RAPGEF6: variants seen among roughly 807,000 people sequenced by gnomAD.
The protein encoded by RAPGEF6 is PDZ domain containing guanine nucleotide exchange factor (GEF) 2.
RAPGEF6 carries 56 observed loss-of-function variants against 171.4 expected under a neutral mutation model. The observed-to-expected ratio is 0.33, with a 90% CI of 0.26 to 0.41. RAPGEF6 has a LOEUF of 0.41. RAPGEF6 is among the 10% of genes least tolerant of loss of function. The probability of loss-of-function intolerance (pLI) is 1.00; values close to 1 mark genes in which losing one functional copy is unlikely to be tolerated. For missense variants in RAPGEF6, 1,674 were observed against 1,921.4 expected (o/e 0.87, Z 2.41); for synonymous variants, 692 against 650.1 (o/e 1.06, Z -0.98).
At chr5:131,474,256 G>C (rs6872385) in intron 16 of RAPGEF6, among the ~76,000 whole-genome samples, 12,182 of 152,212 alleles carry the variant, frequency 0.08, 1,014 homozygotes, top group African/African-American at 0.22. Context: ...CCTGAGTCAG[G>C]AGTTTAAGAC....
At chr5:131,595,815 G>A (rs1763861957) in intron 3 of RAPGEF6, among the ~76,000 whole-genome samples, 1 of 147,802 alleles carries the variant, frequency 6.8e-6, no homozygotes, top group Non-Finnish European at 1.5e-5. Flanking sequence ...AATGTATGCT[G>A]CGTATAACAG....
chr5:131,433,496 G>T lies in RAPGEF6; in HGVS notation c.3908C>A (p.Ser1303Tyr). 6.2e-7 allele frequency: 1 copy of T among 1,613,954 alleles called. No homozygotes were observed. The highest frequency in any genetic ancestry group is 8.5e-7 in the Non-Finnish European group (1 of 1,179,890). The change falls in exon 25 of 28, where the codon TCC becomes TAC. Residue 1303 changes from serine (S) to tyrosine (Y), a missense_variant. Ser to Tyr is a moderately radical substitution (Grantham distance 144). Around this residue, in one of 3 missense-constraint regions of RAPGEF6, gnomAD observed 552 missense variants for 574.2 expected, o/e 0.96. Transcript: ENST00000509018. ...CSSQALAVPE[S>Y]TGALEKTEHA... ...CTCTGTCTTTTCCAATGCCCCAGTG[G>T]ATTCAGGGACTGCCAGGGCCTGAGA...
At chr5:131,458,325 C>A (rs1356681690) in intron 19 of RAPGEF6, among the ~76,000 whole-genome samples, 1 of 152,170 alleles carries the variant, frequency 6.6e-6, no homozygotes, top group Admixed American at 6.5e-5. Context: ...CACTTCCCCC[C>A]TCACTCTCTC....
In RAPGEF6 at chr5:131,510,328, G is replaced by A; in HGVS notation, c.791C>T (p.Thr264Ile). The A allele has an allele frequency of 6.2e-7, 1 of 1,613,060 alleles. No homozygotes were observed. The highest frequency in any genetic ancestry group is 8.5e-7 in the Non-Finnish European group (1 of 1,179,732). Residue 264 changes from threonine (T) to isoleucine (I), a missense_variant, in exon 8 of 28, where the codon ACT becomes ATT. Transcript: ENST00000509018. ...ECLEKEPADK[T>I]DDDIEQLLEF... ...ATATTTCTTACCAATGTCATCATCAGTTTTGTCTGCAGGTTCTTTTTCAAG... is the reference window on the plus strand; with the variant it reads ...ATATTTCTTACCAATGTCATCATCAATTTTGTCTGCAGGTTCTTTTTCAAG...
At chr5:131,497,887 A>C (rs1756736098) in intron 12 of RAPGEF6, among the ~76,000 whole-genome samples, 1 of 152,250 alleles carries the variant, frequency 6.6e-6, no homozygotes, top group Non-Finnish European at 1.5e-5. Context: ...CCCATGAAAT[A>C]AGCTAATTTA....
At chr5:131,587,755 A>C (rs1763341150) in intron 4 of RAPGEF6, among the ~76,000 whole-genome samples, 1 of 152,192 alleles carries the variant, frequency 6.6e-6, no homozygotes, top group Non-Finnish European at 1.5e-5. Flanking sequence ...AGTCATAGAA[A>C]GTAGAACTCC....
chr5:131,434,342 A>C (rs1018892864), intron 24 of RAPGEF6, among the ~76,000 whole-genome samples: 2 of 152,236 alleles, frequency 1.3e-5, no homozygotes, highest in Admixed American at 1.3e-4. Flanking sequence ...TCCTGGGCTC[A>C]AGTGGTCCTC....
At chr5:131,463,193 C>T (rs1754059147) in intron 18 of RAPGEF6, among the ~76,000 whole-genome samples, 1 of 152,166 alleles carries the variant, frequency 6.6e-6, no homozygotes, top group Non-Finnish European at 1.5e-5. Flanking sequence ...ACAGAGTTAA[C>T]TCATTCTCAT....
At chr5:131,514,297 G>C (rs1171365382) in intron 7 of RAPGEF6, among the ~76,000 whole-genome samples, 2 of 152,034 alleles carry the variant, frequency 1.3e-5, no homozygotes, top group Non-Finnish European at 2.9e-5. Context: ...TTAAACAAAG[G>C]AAAGTCAGGT....
intron 1 of RAPGEF6, among the ~76,000 whole-genome samples, chr5:131,616,317 ATTTAGTTG>A (rs1049079999): frequency 7.9e-5 from 12 of 152,196 alleles, no homozygotes; most frequent in African/African-American, 2.9e-4. Context: ...TGGATTTTCA[ATTTAGTTG>A]TTAAATGAAA....
chr5:131,431,464 C>T (rs1281721184), intron 25 of RAPGEF6, 115 bp from the exon 26 acceptor site: 1 of 1,115,086 alleles, frequency 9.0e-7, no homozygotes, highest in African/African-American at 1.6e-5. Context: ...AGTGTTCATG[C>T]CAAATAACAT....
intron 4 of RAPGEF6, among the ~76,000 whole-genome samples, chr5:131,564,751 T>C (rs1031105955): frequency 2.0e-5 from 3 of 152,256 alleles, no homozygotes; most frequent in Admixed American, 1.3e-4. Context: ...GCTATTGCTA[T>C]GTGTGTTTTG....
intron 6 of RAPGEF6, among the ~76,000 whole-genome samples, chr5:131,530,412 T>C (rs1198600956): frequency 6.6e-6 from 1 of 152,172 alleles, no homozygotes; most frequent in Admixed American, 6.5e-5. Flanking sequence ...ATACGACTAT[T>C]TATTTTAGCA....
At position 131,492,664 on chromosome 5, in the gene RAPGEF6, C is replaced by G; in HGVS notation, c.1649G>C (p.Ser550Thr). The G allele has an allele frequency of 6.2e-7, 1 of 1,614,172 alleles. No individual in the cohort carries two copies. Among genetic ancestry groups the G allele is most frequent in the Non-Finnish European group, 8.5e-7 (1 of 1,180,016 alleles). Residue 550 changes from serine to threonine, a missense_variant, in exon 14 of 28, where the codon AGT becomes ACT. Ser to Thr is a moderately conservative substitution (Grantham distance 58). Coordinates refer to ENST00000509018, the MANE Select transcript of RAPGEF6 (RefSeq NM_016340.6). ...SPLQFSLNGG[S>T]EKGFGIFVEG... The stretch of plus-strand genomic sequence containing the variant: ...AACAAAAATACCAAATCCCTTCTCA[C>G]TCCCTCCATTAAGGCTGAATTGTAG...
At chr5:131,554,348 C>T (rs1353084487) in intron 5 of RAPGEF6, among the ~76,000 whole-genome samples, 3 of 152,060 alleles carry the variant, frequency 2.0e-5, no homozygotes, top group Non-Finnish European at 4.4e-5. Context: ...TTAGGACGGT[C>T]TCATATATAA....
chr5:131,625,968 C>T (rs1047930738), intron 1 of RAPGEF6, among the ~76,000 whole-genome samples: 1 of 152,214 alleles, frequency 6.6e-6, no homozygotes, highest in Non-Finnish European at 1.5e-5. Flanking sequence ...GTCTGCTCCT[C>T]CCCACTCAAT....
intron 17 of RAPGEF6, among the ~76,000 whole-genome samples, chr5:131,465,510 T>A (rs1467609443): frequency 6.6e-6 from 1 of 152,104 alleles, no homozygotes; most frequent in East Asian, 1.9e-4. Context: ...ACAGGCTGGG[T>A]ATGACTCACA....
chr5:131,496,337 G>C (rs1289555493), intron 12 of RAPGEF6, among the ~76,000 whole-genome samples: 5 of 152,112 alleles, frequency 3.3e-5, no homozygotes, highest in Non-Finnish European at 7.4e-5. Context: ...TGTAAGAAAT[G>C]AGTCATTTTT....
intron 1 of RAPGEF6, among the ~76,000 whole-genome samples, chr5:131,617,733 A>G (rs1440218387): frequency 6.6e-6 from 1 of 152,242 alleles, no homozygotes; most frequent in Non-Finnish European, 1.5e-5. Flanking sequence ...GTCTCTACTA[A>G]AAATACAAAA....
Sources: gnomAD v4.1 joint callset for allele counts (sites outside exome capture counted in the v4.1 genomes callset) on GRCh38, gnomAD v4.1.1 for gene constraint, gnomAD v4.1.1 regional missense constraint, MANE v1.5 for transcripts, NCBI Gene and HGNC (gene_info 2026-07-23, HGNC 2026-07-21) for gene names.